FSTL4: variants seen among roughly 807,000 people sequenced by gnomAD.
FSTL4 encodes the protein follistatin like 4.
FSTL4 carries 28 observed loss-of-function variants against 78.2 expected under a neutral mutation model. The observed-to-expected ratio is 0.36, with a 90% CI of 0.27 to 0.49. FSTL4 has a LOEUF of 0.49. Ranked by LOEUF, FSTL4 falls within the 20% of genes least tolerant of loss-of-function variation. FSTL4 has a pLI of 0.98. For missense variants in FSTL4, 922 were observed against 1,084.9 expected (o/e 0.85, Z 2.11); for synonymous variants, 422 against 440.5 (o/e 0.96, Z 0.53).
intron 3 of FSTL4, among the ~76,000 whole-genome samples, chr5:133,524,153 A>G (rs1759040667): frequency 6.6e-6 from 1 of 152,106 alleles, no homozygotes; most frequent in Non-Finnish European, 1.5e-5. Flanking sequence ...TGAGGGGCAG[A>G]AGGAGGACAG....
At chr5:133,540,112 G>A (rs571706070) in intron 3 of FSTL4, among the ~76,000 whole-genome samples, 1 of 152,190 alleles carries the variant, frequency 6.6e-6, no homozygotes, top group African/African-American at 2.4e-5. Flanking sequence ...AGCAGACATG[G>A]CCTTTAGATT....
At chr5:133,682,069 G>A in the FSTL4 span, among the ~76,000 whole-genome samples, 8 of 152,202 alleles carry the variant, frequency 5.3e-5, no homozygotes, top group Admixed American at 3.3e-4. Flanking sequence ...TTGTGATACA[G>A]TAAGAGGAAC....
chr5:133,281,835 G>A (rs867708820), intron 6 of FSTL4, among the ~76,000 whole-genome samples: 52 of 152,114 alleles, frequency 3.4e-4, no homozygotes, highest in Middle Eastern at 6.3e-3. Context: ...AGGTCATGGG[G>A]TTTGGGTCAG....
the FSTL4 span, among the ~76,000 whole-genome samples, chr5:133,631,521 GA>G: frequency 9.9e-5 from 15 of 152,168 alleles, no homozygotes; most frequent in Non-Finnish European, 2.2e-4. Context: ...AGGATGTGGA[GA>G]AATAGGAACA....
At chr5:133,758,254 T>A in the FSTL4 span, among the ~76,000 whole-genome samples, 1 of 152,198 alleles carries the variant, frequency 6.6e-6, no homozygotes, top group East Asian at 1.9e-4. Context: ...CTAGGAAGGT[T>A]GAGAATAGAT....
At chr5:133,473,443 C>A (rs560275007) in intron 3 of FSTL4, among the ~76,000 whole-genome samples, 12 of 152,098 alleles carry the variant, frequency 7.9e-5, no homozygotes, top group African/African-American at 2.7e-4. Context: ...ATGCTTGACC[C>A]CGTAACCACT....
chr5:133,616,309 A>AT (rs1761196237), upstream of FSTL4, among the ~76,000 whole-genome samples: 1 of 87,242 alleles, frequency 1.1e-5, no homozygotes, highest in Non-Finnish European at 2.4e-5. Context: ...GTGAAAATCT[A>AT]AATCTATCTA....
At chr5:133,831,590 T>C in the FSTL4 span, among the ~76,000 whole-genome samples, 6 of 152,198 alleles carry the variant, frequency 3.9e-5, no homozygotes, top group Non-Finnish European at 8.8e-5. Flanking sequence ...TTGCTAATTA[T>C]CTCTCTATAA....
chr5:133,539,279 C>T (rs1337076172), intron 3 of FSTL4, among the ~76,000 whole-genome samples: 1 of 152,110 alleles, frequency 6.6e-6, no homozygotes, highest in Non-Finnish European at 1.5e-5. Flanking sequence ...CAATTCACAT[C>T]CCTCCCATAT....
chr5:133,460,899 G>A (rs1757578487), intron 3 of FSTL4, among the ~76,000 whole-genome samples: 1 of 152,186 alleles, frequency 6.6e-6, no homozygotes, highest in South Asian at 2.1e-4. Flanking sequence ...CGCCAAGCAA[G>A]AGAAAATAAA....
chr5:133,836,945 A>G, the FSTL4 span, among the ~76,000 whole-genome samples: 1 of 151,754 alleles, frequency 6.6e-6, no homozygotes, highest in Non-Finnish European at 1.5e-5. Context: ...AATTTTTTCT[A>G]TGTGGGGGTT....
chr5:133,264,199 T>C (rs750561684), intron 6 of FSTL4, among the ~76,000 whole-genome samples: 1 of 152,164 alleles, frequency 6.6e-6, no homozygotes, highest in Non-Finnish European at 1.5e-5. Flanking sequence ...CAAATACCAA[T>C]AGTGGCGCTG....
chr5:133,404,187 G>A (rs532688781), intron 3 of FSTL4, among the ~76,000 whole-genome samples: 10 of 152,310 alleles, frequency 6.6e-5, no homozygotes, highest in East Asian at 1.9e-4. Context: ...TACCCCGGGC[G>A]GGGTAAGGCC....
At chr5:133,582,992 CAATCTTTAGTACTCAGTGT>C (rs1336309802) in intron 2 of FSTL4, among the ~76,000 whole-genome samples, 3 of 152,134 alleles carry the variant, frequency 2.0e-5, no homozygotes, top group Non-Finnish European at 4.4e-5. Context: ...ACAGCTCAAC[CAATCTTTAGTACTCAGTGT>C]GCCTGGGGGT....
chr5:133,668,560 C>T, the FSTL4 span, among the ~76,000 whole-genome samples: 1 of 152,172 alleles, frequency 6.6e-6, no homozygotes, highest in African/African-American at 2.4e-5. Context: ...ATTACAAAAA[C>T]ATGCAGGAAG....
chr5:133,781,414 G>A, the FSTL4 span, among the ~76,000 whole-genome samples: 26 of 149,460 alleles, frequency 1.7e-4, 1 homozygote, highest in South Asian at 2.8e-3. Context: ...TGTGTGTGGC[G>A]TGTATGTGTG....
At chr5:133,683,201 G>A in the FSTL4 span, among the ~76,000 whole-genome samples, 3 of 152,182 alleles carry the variant, frequency 2.0e-5, no homozygotes, top group Non-Finnish European at 4.4e-5. Flanking sequence ...AAACCCTAAT[G>A]AGAAAAGATG....
the FSTL4 span, among the ~76,000 whole-genome samples, chr5:133,650,527 A>G: frequency 6.6e-6 from 1 of 152,232 alleles, no homozygotes; most frequent in Non-Finnish European, 1.5e-5. Flanking sequence ...ATGGATGACC[A>G]GTGGTCCTAG....
At chr5:133,702,573 T>A in the FSTL4 span, among the ~76,000 whole-genome samples, 217 of 152,300 alleles carry the variant, frequency 1.4e-3, 1 homozygote, top group African/African-American at 3.5e-3. Flanking sequence ...CCATCCTCCA[T>A]CATCCTTCAA....
Sources: allele counts gnomAD v4.1 joint callset (sites outside exome capture counted in the v4.1 genomes callset), GRCh38; gene constraint gnomAD v4.1.1; transcripts MANE v1.5; gene names NCBI Gene and HGNC (gene_info 2026-07-23, HGNC 2026-07-21).